ACOT12: variants seen among roughly 807,000 people sequenced by gnomAD.
ACOT12 encodes the protein acyl-CoA thioesterase 12.
In ACOT12, 51 loss-of-function variants were observed where a neutral mutation model predicts 67.7. The observed-to-expected ratio is 0.75, with a 90% CI of 0.60 to 0.95. The LOEUF (loss-of-function observed/expected upper bound fraction) is 0.95. ACOT12 is among the 40% of genes least tolerant of loss of function. The probability of loss-of-function intolerance (pLI) is 0.00; values close to 1 mark genes in which losing one functional copy is unlikely to be tolerated. For synonymous variants in ACOT12, 251 were observed against 244.6 expected (o/e 1.03, Z -0.24); for missense variants, 734 against 708.1 (o/e 1.04, Z -0.41).
intron 1 of ACOT12, among the ~76,000 whole-genome samples, chr5:81,388,241 C>T (rs1390620867): frequency 1.3e-5 from 2 of 152,152 alleles, no homozygotes; most frequent in Admixed American, 1.3e-4. Context: ...ATATGGGTTT[C>T]AGGAGCTCAA....
chr5:81,387,962 T>C (rs1031705543), intron 1 of ACOT12, among the ~76,000 whole-genome samples: 1 of 152,222 alleles, frequency 6.6e-6, no homozygotes, highest in Non-Finnish European at 1.5e-5. Flanking sequence ...ATACTAGATT[T>C]CTTAAGGGAT....
chr5:81,361,896 A>C (rs1325729723), intron 4 of ACOT12, among the ~76,000 whole-genome samples: 1 of 152,208 alleles, frequency 6.6e-6, no homozygotes, highest in East Asian at 1.9e-4. Flanking sequence ...AACCAACTTC[A>C]TCCTAAAATA....
chr5:81,373,209 T>C (rs1374601240), intron 2 of ACOT12, among the ~76,000 whole-genome samples: 2 of 152,126 alleles, frequency 1.3e-5, no homozygotes, highest in Non-Finnish European at 2.9e-5. Flanking sequence ...GTGCAGCCCA[T>C]GGAGGGTGAG....
the ACOT12 span, among the ~76,000 whole-genome samples, chr5:81,317,887 A>ATT: frequency 0.013 from 1,778 of 134,758 alleles, 48 homozygotes; most frequent in African/African-American, 0.045. Flanking sequence ...TAGGTTCACA[A>ATT]TTTTTTTTTT....
At chr5:81,317,552 A>G in the ACOT12 span, among the ~76,000 whole-genome samples, 1 of 151,996 alleles carries the variant, frequency 6.6e-6, no homozygotes, top group Admixed American at 6.6e-5. Flanking sequence ...CACAGGCTAT[A>G]CAGGAAGCAT....
intron 3 of ACOT12, 33 bp downstream of exon 3, chr5:81,371,717 C>G: frequency 6.2e-7 from 1 of 1,603,268 alleles, no homozygotes. Flanking sequence ...AAGTGAGCAC[C>G]AACAGGCAGA....
chr5:81,319,895 A>C, the ACOT12 span, among the ~76,000 whole-genome samples: 1 of 151,892 alleles, frequency 6.6e-6, no homozygotes, highest in African/African-American at 2.4e-5. Context: ...TGCTGTGACA[A>C]ACCTTTTTAA....
rs35863495 is a variant in ACOT12 at position 81,330,626 on chromosome 5, AG to A, written c.1519-84del. Reference sequence around the variant, plus strand: ...GAAAGGATCTGAGTCTTGCTGGTGTAGGGGAGGCTAAGACCCTAATCTTCTG... The same window carrying A: ...GAAAGGATCTGAGTCTTGCTGGTGTAGGGAGGCTAAGACCCTAATCTTCTG... On this transcript the variant is annotated intron_variant, in intron 14 of 14. Coordinates refer to ENST00000307624, the MANE Select transcript of ACOT12 (RefSeq NM_130767.3). 57 of 1,528,352 alleles carry A rather than the reference AG, an allele frequency of 3.7e-5. No individual in the cohort carries two copies. The Admixed American group carries it at 1.1e-3, about 28-fold the overall frequency. 94.7% of individuals were successfully genotyped at this position (1,528,352 alleles called of 1,614,324 possible).
chr5:81,327,313 T>C (rs960594217), downstream of ACOT12, among the ~76,000 whole-genome samples: 3 of 152,058 alleles, frequency 2.0e-5, no homozygotes, highest in Non-Finnish European at 2.9e-5. Flanking sequence ...GAGTACAGGG[T>C]AAACTATATT....
chr5:81,335,855 A>G lies in ACOT12; in HGVS notation c.1175T>C (p.Val392Ala). The change falls in exon 12 of 15, where the codon GTT becomes GCT. Residue 392 changes from valine to alanine, a missense_variant. Physicochemically the swap from Val to Ala is moderately conservative, Grantham distance 64. Coordinates refer to ENST00000307624, the MANE Select transcript of ACOT12 (RefSeq NM_130767.3). ...TGCTGGACTTCCCACGTGCTTTTCA[A>G]CCCAAACAGATAAAACATCATGCTC... ...LEEHDVLSVW[V>A]EKHVGSPAHL... 6.2e-7 allele frequency: 1 copy of G among 1,614,098 alleles called. No individual in the cohort carries two copies. The highest frequency in any genetic ancestry group is 8.5e-7 in the Non-Finnish European group (1 of 1,179,972).
At chr5:81,313,079 A>G in the ACOT12 span, 5 of 152,662 alleles carry the variant, frequency 3.3e-5, no homozygotes, top group African/African-American at 1.2e-4. Context: ...ATAGAAATTT[A>G]TAAGTTGCTA....
intron 2 of ACOT12, among the ~76,000 whole-genome samples, chr5:81,383,562 GACAC>G (rs1212835586): frequency 9.2e-5 from 14 of 152,214 alleles, no homozygotes; most frequent in African/African-American, 3.4e-4. Context: ...TATGTTAAAA[GACAC>G]TTAAGAGACC....
At chr5:81,330,982 A>C in intron 13 of ACOT12, 42 bp from the exon 14 acceptor site, 1 of 1,532,334 alleles carries the variant, frequency 6.5e-7, no homozygotes, top group Non-Finnish European at 8.8e-7. Flanking sequence ...GAAATAAAGA[A>C]TAGTTGTTAG....
intron 6 of ACOT12, 82 bp downstream of exon 6, chr5:81,347,692 A>G: frequency 1.4e-6 from 2 of 1,464,692 alleles, no homozygotes; most frequent in East Asian, 4.7e-5. Flanking sequence ...CTTCTTGACT[A>G]TCCCAAGAAC....
chr5:81,347,990 G>A, intron 5 of ACOT12, 60 bp from the exon 6 acceptor site: 1 of 1,541,010 alleles, frequency 6.5e-7, no homozygotes, highest in East Asian at 2.3e-5. Flanking sequence ...TGGGGCTCCA[G>A]CTTTTCCTTC....
Position 81,359,892 on chromosome 5 carries a change from G to C in ACOT12, c.496+11C>G. ...TATAGAATTAAAATTCTTATAAGTG[G>C]ATTTACTGACCATCAAATTTGCTAC... On this transcript the variant is annotated intron_variant, in intron 5 of 14. Coordinates refer to ENST00000307624, the MANE Select transcript of ACOT12 (RefSeq NM_130767.3). 1 of 1,601,282 alleles carries C rather than the reference G, an allele frequency of 6.2e-7. No homozygotes were observed. The highest frequency in any genetic ancestry group is 8.5e-7 in the Non-Finnish European group (1 of 1,176,032).
chr5:81,324,612 C>A, the ACOT12 span, among the ~76,000 whole-genome samples: 2 of 152,136 alleles, frequency 1.3e-5, no homozygotes, highest in Non-Finnish European at 2.9e-5. Flanking sequence ...GAGGCCAAGG[C>A]CAGAGCCCTA....
intron 4 of ACOT12, among the ~76,000 whole-genome samples, chr5:81,361,024 G>A (rs1759888254): frequency 1.5e-5 from 2 of 136,362 alleles, no homozygotes; most frequent in South Asian, 4.7e-4. Context: ...GTTGCAGTGA[G>A]CCAAGATCAT....
chr5:81,376,515 C>T (rs1760418067), intron 2 of ACOT12, among the ~76,000 whole-genome samples: 1 of 151,474 alleles, frequency 6.6e-6, no homozygotes, highest in East Asian at 2.0e-4. Context: ...GAGATAGAGA[C>T]ATGAAAACCC....
Sources: allele counts gnomAD v4.1 joint callset (sites outside exome capture counted in the v4.1 genomes callset), GRCh38; gene constraint gnomAD v4.1.1; transcripts MANE v1.5; gene names NCBI Gene and HGNC (gene_info 2026-07-23, HGNC 2026-07-21).